The following DGKI variants were observed in gnomAD, a reference collection of about 807,000 sequenced individuals.
DGKI encodes the protein diacylglycerol kinase iota, also known as DAG kinase iota.
DGKI carries 55 observed loss-of-function variants against 147.5 expected under a neutral mutation model. The observed-to-expected ratio is 0.37, with a 90% CI of 0.30 to 0.47. DGKI has a LOEUF of 0.47. Among genes scored for constraint, DGKI ranks in the 20% least tolerant of loss-of-function variants. The pLI is 1.00. For synonymous variants in DGKI, 469 were observed against 477.1 expected (o/e 0.98, Z 0.22); for missense variants, 1,007 against 1,323.8 (o/e 0.76, Z 3.71).
chr7:137,570,476 G>A (rs1036460464), intron 19 of DGKI, among the ~76,000 whole-genome samples: 4 of 152,058 alleles, frequency 2.6e-5, no homozygotes, highest in Admixed American at 6.6e-5. Flanking sequence ...TAAGTAAGAC[G>A]GATATCCACA....
At chr7:137,459,470 A>ATTT (rs68045398) in intron 27 of DGKI, among the ~76,000 whole-genome samples, 247 of 107,436 alleles carry the variant, frequency 2.3e-3, no homozygotes, top group East Asian at 2.7e-3. Flanking sequence ...AATTTTTTAA[A>ATTT]TTTTTTTTTT....
At chr7:137,761,543 C>A (rs1422566946) in intron 1 of DGKI, among the ~76,000 whole-genome samples, 2 of 152,230 alleles carry the variant, frequency 1.3e-5, no homozygotes, top group Admixed American at 1.3e-4. Context: ...CCCTCAGCAG[C>A]ACTCAGCGAT....
intron 1 of DGKI, among the ~76,000 whole-genome samples, chr7:137,776,300 A>G: frequency 6.6e-6 from 1 of 152,246 alleles, no homozygotes; most frequent in East Asian, 1.9e-4. Context: ...ATCAAACAAA[A>G]GATTATACCC....
rs73453572 is a variant in DGKI at position 137,575,985 on chromosome 7, A to G, written c.1761+1237T>C. On this transcript the variant is annotated intron_variant, in intron 17 of 32. Transcript: ENST00000614521. The stretch of plus-strand genomic sequence containing the variant: ...AGCTTAAGATCATATATTTTTCTCT[A>G]TTTTCATGTATATATTTTGTTCTGT... Among the ~76,000 whole-genome samples, 171 of 142,120 alleles carry G rather than the reference A, an allele frequency of 1.2e-3. 1 individual carries two copies. The highest frequency in any genetic ancestry group is 7.2e-3 in the Middle Eastern group (2 of 276). The allele number at this position is 142,120 out of a possible 152,430, so 93.2% of individuals were successfully genotyped here. A position where few individuals can be genotyped will look rare whatever the true frequency, so the allele number is the denominator to read the frequency against.
chr7:137,675,929 C>T (rs1384464448), intron 3 of DGKI, among the ~76,000 whole-genome samples: 2 of 152,182 alleles, frequency 1.3e-5, no homozygotes, highest in African/African-American at 4.8e-5. Context: ...AGACATCTCT[C>T]TGCCTTCGCT....
At chr7:137,445,316 C>A (rs1813672500) in intron 27 of DGKI, among the ~76,000 whole-genome samples, 1 of 152,110 alleles carries the variant, frequency 6.6e-6, no homozygotes, top group Non-Finnish European at 1.5e-5. Flanking sequence ...CAATTTATTT[C>A]AACTGTGCAA....
chr7:137,718,533 G>T (rs989585032), intron 1 of DGKI, among the ~76,000 whole-genome samples: 4 of 152,164 alleles, frequency 2.6e-5, no homozygotes, highest in Non-Finnish European at 5.9e-5. Flanking sequence ...CTTTCTCCTT[G>T]GATACGCAAG....
chr7:137,606,934 T>C (rs7782945), intron 10 of DGKI, among the ~76,000 whole-genome samples: 1 of 152,200 alleles, frequency 6.6e-6, no homozygotes, highest in Admixed American at 6.5e-5. Context: ...GGTGGACCTG[T>C]ACCCCAACAG....
chr7:137,623,237 T>G (rs1304683850), intron 7 of DGKI, among the ~76,000 whole-genome samples: 1 of 152,202 alleles, frequency 6.6e-6, no homozygotes, highest in East Asian at 1.9e-4. Context: ...GATTTTCTAG[T>G]CTTTGACCCC....
chr7:137,721,737 C>A (rs1329825276), intron 1 of DGKI, among the ~76,000 whole-genome samples: 2 of 152,208 alleles, frequency 1.3e-5, no homozygotes, highest in Non-Finnish European at 2.9e-5. Flanking sequence ...CAGGCCTATA[C>A]AATCTGGCCA....
At chr7:137,737,420 GAATT>G (rs1388043800) in intron 1 of DGKI, among the ~76,000 whole-genome samples, 1 of 151,300 alleles carries the variant, frequency 6.6e-6, no homozygotes, top group Non-Finnish European at 1.5e-5. Flanking sequence ...TGCATTTAAG[GAATT>G]AATAAAAGTA....
chr7:137,402,677 G>T (rs777729448), intron 30 of DGKI, among the ~76,000 whole-genome samples: 6 of 152,048 alleles, frequency 3.9e-5, no homozygotes, highest in African/African-American at 7.3e-5. Flanking sequence ...CTCTCTCTGG[G>T]CCCTCATTTC....
At chr7:137,548,204 G>A (rs1457833457) in intron 20 of DGKI, among the ~76,000 whole-genome samples, 1 of 152,158 alleles carries the variant, frequency 6.6e-6, no homozygotes, top group Admixed American at 6.5e-5. Flanking sequence ...TTTGAACTCT[G>A]GCTGCTTTAC....
intron 20 of DGKI, among the ~76,000 whole-genome samples, chr7:137,522,421 A>C (rs1009895167): frequency 6.6e-5 from 10 of 152,030 alleles, no homozygotes; most frequent in Non-Finnish European, 1.3e-4. Context: ...GCAGACCAAG[A>C]GTCCAGAAGC....
At chr7:137,523,636 C>T (rs899281461) in intron 20 of DGKI, among the ~76,000 whole-genome samples, 1 of 152,126 alleles carries the variant, frequency 6.6e-6, no homozygotes, top group Non-Finnish European at 1.5e-5. Context: ...ACAGATTCAA[C>T]AGCTATACCG....
chr7:137,436,356 C>A (rs1472224780), intron 28 of DGKI, among the ~76,000 whole-genome samples: 1 of 151,928 alleles, frequency 6.6e-6, no homozygotes, highest in Non-Finnish European at 1.5e-5. Flanking sequence ...CACTTTCTAC[C>A]CAATAAAAAG....
At position 137,395,619 on chromosome 7, in the gene DGKI, A is replaced by C. The variant is rs759441260; in HGVS notation, c.3036T>G (p.Ser1012=). 6.2e-7 allele frequency: 1 copy of C among 1,614,128 alleles called. No individual in the cohort carries two copies. The highest frequency in any genetic ancestry group is 8.5e-7 in the Non-Finnish European group (1 of 1,179,952). Reference sequence around the variant, plus strand: ...TTACCTTGGAGTCCGTCTTTCTCAGAGATGCTCCTGCATCCACCAGAAGCT... The same window carrying C: ...TTACCTTGGAGTCCGTCTTTCTCAGCGATGCTCCTGCATCCACCAGAAGCT... ...VCQLLVDAGA[S]LRKTDSKGKT... is the part of the protein sequence containing the mutation. The change falls in exon 32 of 33, where the codon TCT becomes TCG. Residue 1012 remains serine, a synonymous_variant. Coordinates refer to ENST00000614521, the MANE Select transcript of DGKI (RefSeq NM_001321708.2).
At chr7:137,578,974 G>A (rs1205004458) in intron 15 of DGKI, among the ~76,000 whole-genome samples, 1 of 152,068 alleles carries the variant, frequency 6.6e-6, no homozygotes, top group Non-Finnish European at 1.5e-5. Flanking sequence ...TCCATTTGAT[G>A]GGCTATATTT....
At chr7:137,434,245 A>C (rs2128912787) in intron 28 of DGKI, among the ~76,000 whole-genome samples, 1 of 152,292 alleles carries the variant, frequency 6.6e-6, no homozygotes, top group South Asian at 2.1e-4. Flanking sequence ...CTATAACCCC[A>C]AAAGCAACCC....
Sources: allele counts gnomAD v4.1 joint callset (sites outside exome capture counted in the v4.1 genomes callset), GRCh38; gene constraint gnomAD v4.1.1; transcripts MANE v1.5; gene names NCBI Gene and HGNC (gene_info 2026-07-23, HGNC 2026-07-21).